Variants in AP2A2 observed in about 807,000 individuals in gnomAD.
AP2A2 encodes adaptor related protein complex 2 subunit alpha 2.
In AP2A2, 32 loss-of-function variants were observed where a neutral mutation model predicts 104.2. That is an observed-to-expected ratio of 0.31 (90% CI 0.23 to 0.41). The LOEUF (loss-of-function observed/expected upper bound fraction) is 0.41. Ranked by LOEUF, AP2A2 falls within the 10% of genes least tolerant of loss-of-function variation. The pLI is 1.00. For synonymous variants in AP2A2, 539 were observed against 533.3 expected (o/e 1.01, Z -0.15); for missense variants, 912 against 1,261.0 (o/e 0.72, Z 4.19).
chr11:976,668 T>C (rs1296526155), intron 4 of AP2A2, among the ~76,000 whole-genome samples: 3 of 151,160 alleles, frequency 2.0e-5, no homozygotes, highest in Non-Finnish European at 4.4e-5. Flanking sequence ...CCCAGCCCAC[T>C]GTTCAGGGTG....
intron 1 of AP2A2, among the ~76,000 whole-genome samples, chr11:946,149 G>A (rs1033101691): frequency 6.6e-6 from 1 of 152,166 alleles, no homozygotes; most frequent in Non-Finnish European, 1.5e-5. Context: ...CAACGGTTGC[G>A]ACACTCTGAG....
chr11:1,004,159 C>T (rs1291601022), intron 16 of AP2A2, among the ~76,000 whole-genome samples: 2 of 152,142 alleles, frequency 1.3e-5, no homozygotes, highest in African/African-American at 4.8e-5. Context: ...ACCACCTCAC[C>T]CCTCCAGGAT....
At chr11:978,313 G>A (rs967261411) in intron 5 of AP2A2, among the ~76,000 whole-genome samples, 5 of 152,296 alleles carry the variant, frequency 3.3e-5, no homozygotes, top group African/African-American at 1.2e-4. Context: ...GGCCGGGACT[G>A]CTGTCATTGC....
chr11:930,147 C>T (rs985719849), intron 1 of AP2A2, among the ~76,000 whole-genome samples: 4 of 150,004 alleles, frequency 2.7e-5, no homozygotes, highest in African/African-American at 4.9e-5. Flanking sequence ...AAAAAAAGCC[C>T]TGTGCCAAGT....
Position 994,055 on chromosome 11 carries a change from C to G in AP2A2, c.1783-17C>G. The G allele has an allele frequency of 1.2e-6, 2 of 1,612,124 alleles. No homozygotes were observed. On this transcript the variant is annotated splice_polypyrimidine_tract_variant and intron_variant, in intron 13 of 21. Coordinates refer to ENST00000448903, the MANE Select transcript of AP2A2 (RefSeq NM_012305.4). ...GGCCAGGAGCTCTGACCAGTCCCAC[C>G]CTGTGTTCTTTCCAAGGCGACCGTG...
chr11:985,618 GCA>G (rs760144008), intron 8 of AP2A2, 36 bp downstream of exon 8: 17 of 1,608,124 alleles, frequency 1.1e-5, no homozygotes, highest in East Asian at 4.5e-5. Context: ...TTCGTCTCGC[GCA>G]CACACACACG....
chr11:946,785 T>TAAAAAAAAAA (rs1853853132), intron 1 of AP2A2: 1 of 83,772 alleles, frequency 1.2e-5, no homozygotes, highest in Admixed American at 1.5e-4. Context: ...AAAAAGAAAT[T>TAAAAAAAAAA]AAGATATTTC....
At chr11:933,695 G>T in intron 1 of AP2A2, 1 of 455,300 alleles carries the variant, frequency 2.2e-6, no homozygotes, top group Non-Finnish European at 4.4e-6. Context: ...CCAGCACCAG[G>T]GTGGGAGAGG....
At position 1,011,589 on chromosome 11, in the gene AP2A2, G is replaced by A. The variant is rs1249212492; in HGVS notation, c.*964G>A. On this transcript the variant is annotated 3_prime_UTR_variant, in exon 22 of 22. Coordinates refer to ENST00000448903, the MANE Select transcript of AP2A2 (RefSeq NM_012305.4). ...ACCTGTCATCTGGACTCAGCACCCA[G>A]GCTGCACGTCTGACACCTGAGAGGC... 1 of 435,836 alleles carries A rather than the reference G, an allele frequency of 2.3e-6. No individual in the cohort carries two copies. Among genetic ancestry groups the A allele is most frequent in the Non-Finnish European group, 4.6e-6 (1 of 216,178 alleles). The allele number at this position is 435,836 out of a possible 1,614,324, so 27.0% of individuals were successfully genotyped here. A position where few individuals can be genotyped will look rare whatever the true frequency, so the allele number is the denominator to read the frequency against.
intron 1 of AP2A2, among the ~76,000 whole-genome samples, chr11:937,775 CT>C (rs1321419371): frequency 6.6e-6 from 1 of 152,258 alleles, no homozygotes; most frequent in Non-Finnish European, 1.5e-5. Context: ...GTGCGTGTTG[CT>C]TTCATGCCAT....
chr11:970,432 T>A, intron 3 of AP2A2, 121 bp downstream of exon 3: 1 of 1,321,634 alleles, frequency 7.6e-7, no homozygotes, highest in Non-Finnish European at 1.0e-6. Flanking sequence ...GCCACGTGGG[T>A]CTGCTGCAGA....
intron 14 of AP2A2, among the ~76,000 whole-genome samples, chr11:997,595 CT>C (rs1314672265): frequency 1.3e-5 from 2 of 152,202 alleles, no homozygotes; most frequent in Non-Finnish European, 2.9e-5. Context: ...GGCTTTCCTA[CT>C]TTAGAAAGCA....
intron 7 of AP2A2, 124 bp downstream of exon 7, chr11:984,877 C>A (rs1044228131): frequency 3.5e-6 from 3 of 845,860 alleles, no homozygotes; most frequent in African/African-American, 1.7e-5. Context: ...GATTCATGGA[C>A]CTTTCTGCCA....
chr11:932,658 C>G, intron 1 of AP2A2: 1 of 455,538 alleles, frequency 2.2e-6, no homozygotes, highest in Non-Finnish European at 4.4e-6. Flanking sequence ...GTCATGGTGG[C>G]TATGGAGAGA....
Position 1,011,323 on chromosome 11 carries a change from CGGCCCCGCAG to C in AP2A2, c.*705_*714del, listed in dbSNP as rs745422376. The C allele has an allele frequency of 1.3e-4, 68 of 518,726 alleles. No homozygotes were observed. The highest frequency in any genetic ancestry group is 1.3e-4 in the Non-Finnish European group (34 of 259,808). The allele number at this position is 518,726 out of a possible 1,614,324, so 32.1% of individuals were successfully genotyped here. A position where few individuals can be genotyped will look rare whatever the true frequency, so the allele number is the denominator to read the frequency against. On this transcript the variant is annotated 3_prime_UTR_variant, in exon 22 of 22. Coordinates refer to ENST00000448903, the MANE Select transcript of AP2A2 (RefSeq NM_012305.4). ...TGCAGCCAGGGGAGGAGCGTCCTGC[CGGCCCCGCAG>C]GGCCCCCAGGACTCCAGGGTAAAGT... is the stretch of plus-strand genomic sequence containing the variant.
intron 6 of AP2A2, 40 bp from the exon 7 acceptor site, chr11:984,605 G>C: frequency 2.0e-6 from 3 of 1,520,206 alleles, no homozygotes; most frequent in Non-Finnish European, 2.7e-6. Context: ...GTAGGGGCTC[G>C]TGTCCGGCAG....
At position 935,195 on chromosome 11, in the gene AP2A2, A is replaced by G. The variant is rs149115212; in HGVS notation, c.67+9107A>G. Reference sequence around the variant, plus strand: ...CAGCCTCCCGAGCAGCTTGGACTACAGATGCGCGCACCACCATGCCCGGCT... The same window carrying G: ...CAGCCTCCCGAGCAGCTTGGACTACGGATGCGCGCACCACCATGCCCGGCT... On this transcript the variant is annotated intron_variant, in intron 1 of 21. Transcript: ENST00000448903. 6.7e-3 allele frequency among the ~76,000 whole-genome samples: 1,015 copies of G among 151,996 alleles called. 11 individuals are homozygous for G. The highest frequency in any genetic ancestry group is 0.01 in the Non-Finnish European group (692 of 67,954).
At chr11:962,589 TG>T (rs1482497707) in intron 2 of AP2A2, among the ~76,000 whole-genome samples, 2 of 151,920 alleles carry the variant, frequency 1.3e-5, no homozygotes, top group Admixed American at 6.6e-5. Flanking sequence ...AAAAATTAGC[TG>T]GGTGTGGAGG....
At chr11:927,008 T>C (rs1398972898) in intron 1 of AP2A2, among the ~76,000 whole-genome samples, 3 of 152,232 alleles carry the variant, frequency 2.0e-5, no homozygotes, top group African/African-American at 7.2e-5. Flanking sequence ...AAAGCCAGTT[T>C]CCTGTCTGCT....
Sources: gnomAD v4.1 joint callset for allele counts (sites outside exome capture counted in the v4.1 genomes callset) on GRCh38, gnomAD v4.1.1 for gene constraint, MANE v1.5 for transcripts, NCBI Gene and HGNC (gene_info 2026-07-23, HGNC 2026-07-21) for gene names.